LCORL: variants seen among roughly 807,000 people sequenced by gnomAD.
The protein encoded by LCORL is ligand dependent nuclear receptor corepressor like.
In LCORL, 41 loss-of-function variants were observed where a neutral mutation model predicts 141.8. The observed-to-expected ratio is 0.29, with a 90% confidence interval of 0.23 to 0.38. The LOEUF is 0.38. Ranked by LOEUF, LCORL falls within the 10% of genes least tolerant of loss-of-function variation. The probability of loss-of-function intolerance (pLI) is 1.00; values close to 1 mark genes in which losing one functional copy is unlikely to be tolerated. For missense variants in LCORL, 1,759 were observed against 2,035.0 expected (o/e 0.86, Z 2.61); for synonymous variants, 618 against 694.1 (o/e 0.89, Z 1.72).
exon 7 of LCORL, chr4:17,874,148 G>A: frequency 8.1e-7 from 1 of 1,233,928 alleles, no homozygotes; most frequent in East Asian, 3.2e-5. Flanking sequence ...TTCCATGGTT[G>A]TGCAGCTTTC....
chr4:17,874,491 T>C (rs1239983138), exon 7 of LCORL: 3 of 1,233,784 alleles, frequency 2.4e-6, no homozygotes, highest in East Asian at 3.2e-5. Context: ...ATTCAAATCA[T>C]ACTTTTTCTG....
Position 17,886,087 on chromosome 4 carries a change from A to T in LCORL, c.757T>A (p.Ser253Thr), listed in dbSNP as rs750640519. ...GCTTACCCAGCCACTGAATTTTCAG[A>T]AGAAGGATCACATATGGATGACTCT... The change falls in exon 6 of 8, where the codon TCT becomes ACT. Residue 253 changes from serine (S) to threonine (T), a missense_variant. Transcript: ENST00000635767. The T allele has an allele frequency of 5.7e-6, 9 of 1,586,340 alleles. No homozygotes were observed. In the Admixed American group the frequency reaches 1.5e-4, roughly 27 times the overall value.
At chr4:17,870,128 C>G (rs1037258470) in intron 7 of LCORL, among the ~76,000 whole-genome samples, 1 of 152,046 alleles carries the variant, frequency 6.6e-6, no homozygotes, top group South Asian at 2.1e-4. Context: ...TGATAAATTA[C>G]TCAATATTCC....
chr4:18,021,526 A>C lies in LCORL; in HGVS notation c.154+72T>G, dbSNP rs1725583943. Reference sequence around the variant, plus strand: ...AACGGGAGATTCAACTAAACCCCTCAGCCACAAACTCCTCGGGCTGCGACA... The same window carrying C: ...AACGGGAGATTCAACTAAACCCCTCCGCCACAAACTCCTCGGGCTGCGACA... On this transcript the variant is annotated intron_variant, in intron 1 of 7. Coordinates refer to ENST00000635767, the Ensembl canonical transcript of LCORL. This position sits in a 1 kb window ranked among gnomAD's most constrained non-coding sequence, Gnocchi z 5.5. 7.4e-7 allele frequency: 1 copy of C among 1,352,524 alleles called. No individual in the cohort carries two copies. Among genetic ancestry groups the C allele is most frequent in the Non-Finnish European group, 9.9e-7 (1 of 1,007,394 alleles). 83.8% of individuals were successfully genotyped at this position (1,352,524 alleles called of 1,614,324 possible).
At chr4:17,899,741 GA>G (rs1252669308) in intron 5 of LCORL, among the ~76,000 whole-genome samples, 1 of 151,954 alleles carries the variant, frequency 6.6e-6, no homozygotes, top group South Asian at 2.1e-4. Context: ...CAAGGGAAAA[GA>G]AAAAAACAAG....
chr4:17,845,458 C>A, exon 8 of LCORL: 1 of 285,418 alleles, frequency 3.5e-6, no homozygotes, highest in Non-Finnish European at 6.5e-6. Context: ...GGGACAATTA[C>A]GTATTTAAAC....
chr4:18,015,054 T>C (rs760393124), intron 1 of LCORL, among the ~76,000 whole-genome samples: 1 of 152,186 alleles, frequency 6.6e-6, no homozygotes, highest in Non-Finnish European at 1.5e-5. Context: ...TTATTACAAT[T>C]GAAAGATGAG....
intron 1 of LCORL, among the ~76,000 whole-genome samples, chr4:17,984,965 CATT>C (rs1577640641): frequency 1.3e-5 from 2 of 152,130 alleles, no homozygotes. Flanking sequence ...TTTTTGTTCT[CATT>C]AGTTTCACAG....
intron 7 of LCORL, among the ~76,000 whole-genome samples, chr4:17,872,555 G>A (rs1264679053): frequency 6.6e-6 from 1 of 152,164 alleles, no homozygotes; most frequent in Non-Finnish European, 1.5e-5. Flanking sequence ...GGACAAGCTT[G>A]TAGGGTCCCT....
chr4:17,888,439 A>G (rs1380337571), intron 5 of LCORL, among the ~76,000 whole-genome samples: 1 of 152,074 alleles, frequency 6.6e-6, no homozygotes, highest in East Asian at 1.9e-4. Flanking sequence ...CAAACGTGCT[A>G]TGCAGTGTTA....
chr4:17,853,045 CTTGATTTTTTTT>C (rs1723947939), intron 7 of LCORL, among the ~76,000 whole-genome samples: 1 of 128,564 alleles, frequency 7.8e-6, no homozygotes, highest in Non-Finnish European at 1.6e-5. Flanking sequence ...GTGCTAAAAG[CTTGATTTTTTTT>C]TTTTTTTTTT....
exon 8 of LCORL, chr4:17,842,574 G>T (rs2109074580): frequency 1.9e-6 from 1 of 535,126 alleles, no homozygotes; most frequent in Non-Finnish European, 3.4e-6. Context: ...GTTTGCTTTT[G>T]CCTATTAGCT....
Position 17,874,555 on chromosome 4 carries a change from G to T in LCORL, c.4435C>A (p.Pro1479Thr), listed in dbSNP as rs1290293174. 5 of 1,233,396 alleles carry T rather than the reference G, an allele frequency of 4.1e-6. No homozygotes were observed. In the South Asian group the frequency reaches 1.2e-4, roughly 30 times the overall value. 76.4% of individuals were successfully genotyped at this position (1,233,396 alleles called of 1,614,324 possible). Residue 1479 changes from proline to threonine, a missense_variant, in exon 7 of 8, where the codon CCT becomes ACT. Pro to Thr is a conservative substitution (Grantham distance 38). Around this residue, in one of 5 missense-constraint regions of LCORL, gnomAD observed 39 missense variants for 81.1 expected, o/e 0.48. Transcript: ENST00000635767. ...AGTTCTAAAAGACAAGTTTCCAAAG[G>T]GCTTGCTACTTTGAAATGATCATTT...
intron 7 of LCORL, among the ~76,000 whole-genome samples, chr4:17,865,089 C>A (rs1725485101): frequency 6.6e-6 from 1 of 152,052 alleles, no homozygotes; most frequent in Non-Finnish European, 1.5e-5. Context: ...AAAAATAGAA[C>A]AAGTAGACTG....
chr4:18,011,429 TAAA>T (rs1301468567), intron 1 of LCORL, among the ~76,000 whole-genome samples: 1 of 134,208 alleles, frequency 7.5e-6, no homozygotes, highest in Non-Finnish European at 1.6e-5. Context: ...TTACCCATTT[TAAA>T]AAAAAAAAAA....
intron 1 of LCORL, among the ~76,000 whole-genome samples, chr4:18,004,207 TATACTAAATGAAA>T (rs1437075339): frequency 6.6e-6 from 1 of 152,222 alleles, no homozygotes; most frequent in Non-Finnish European, 1.5e-5. Context: ...ACCTACCACA[TATACTAAATGAAA>T]ATACATGTAT....
At chr4:17,852,000 GTGTT>G (rs1262188059) in intron 7 of LCORL, among the ~76,000 whole-genome samples, 5 of 152,132 alleles carry the variant, frequency 3.3e-5, no homozygotes, top group African/African-American at 1.2e-4. Context: ...TGTTTTTCTT[GTGTT>G]ATGAAAATCC....
intron 5 of LCORL, among the ~76,000 whole-genome samples, chr4:17,897,006 A>C (rs1730035874): frequency 1.3e-5 from 2 of 152,034 alleles, no homozygotes; most frequent in Admixed American, 1.3e-4. Flanking sequence ...TGCTTAACAT[A>C]ATGACCTCCA....
intron 1 of LCORL, among the ~76,000 whole-genome samples, chr4:17,982,476 G>A (rs1718191158): frequency 6.6e-6 from 1 of 150,996 alleles, no homozygotes; most frequent in Non-Finnish European, 1.5e-5. Context: ...ATTCTGACTG[G>A]TGTGAGATGT....
Sources: allele counts gnomAD v4.1 joint callset (sites outside exome capture counted in the v4.1 genomes callset), GRCh38; gene constraint gnomAD v4.1.1; regional missense constraint gnomAD v4.1.1; non-coding constraint Gnocchi (gnomAD v3.1); transcripts MANE v1.5; gene names NCBI Gene and HGNC (gene_info 2026-07-23, HGNC 2026-07-21).